The following ISYNA1 variants were observed in gnomAD, a reference collection of about 807,000 sequenced individuals.
ISYNA1 encodes the protein MI-1-P synthase.
Under a neutral mutation model 50.3 loss-of-function variants are expected in ISYNA1, and 34 were observed. The observed-to-expected ratio is 0.68, with a 90% CI of 0.51 to 0.90. ISYNA1 has a LOEUF of 0.90. ISYNA1 is among the 40% of genes least tolerant of loss of function. ISYNA1 has a pLI of 0.00. For synonymous variants in ISYNA1, 396 were observed against 349.9 expected (o/e 1.13, Z -1.47); for missense variants, 718 against 784.8 (o/e 0.91, Z 1.02).
In ISYNA1 at chr19:18,435,655, A is replaced by G. The variant is rs771257185; in HGVS notation, c.1162T>C (p.Tyr388His). 9.3e-6 allele frequency: 15 copies of G among 1,611,822 alleles called. No individual in the cohort carries two copies. The highest frequency in any genetic ancestry group is 9.3e-6 in the Non-Finnish European group (11 of 1,179,284). ...AGCGCGCGCTTGCTGTCACCCACGT[A>G]CGGCACATACTTGATGACCACCTGG... is the stretch of plus-strand genomic sequence containing the variant. ...DHCVVIKYVP[Y>H]VGDSKRALDE... The change falls in exon 9 of 11, where the codon TAC (tyrosine) becomes CAC (histidine). Residue 388 changes from tyrosine (Y) to histidine (H), a missense_variant. Around this residue, in one of 3 missense-constraint regions of ISYNA1, gnomAD observed 305 missense variants for 292.6 expected, o/e 1.04. Coordinates refer to ENST00000338128, the MANE Select transcript of ISYNA1 (RefSeq NM_016368.5).
In ISYNA1 at chr19:18,434,867, G is replaced by A; in HGVS notation, c.*46C>T. 6.5e-7 allele frequency: 1 copy of A among 1,527,014 alleles called. No individual in the cohort carries two copies. The allele number at this position is 1,527,014 out of a possible 1,614,324, so 94.6% of individuals were successfully genotyped here. A position where few individuals can be genotyped will look rare whatever the true frequency, so the allele number is the denominator to read the frequency against. On this transcript the variant is annotated 3_prime_UTR_variant, in exon 11 of 11. Transcript: ENST00000338128. ...GTGGGGGCCTTCAAGGTAGGGTCGT[G>A]GGGGGCAGCGGGGAGGAAGAGCCGA...
intron 3 of ISYNA1, 103 bp downstream of exon 3, chr19:18,437,496 A>ACCCCCCCCCGG: frequency 7.9e-6 from 2 of 253,966 alleles, no homozygotes; most frequent in Non-Finnish European, 1.0e-5. Flanking sequence ...CACCCCCTAC[A>ACCCCCCCCCGG]GCCCCCCTGG....
At position 18,436,230 on chromosome 19, in the gene ISYNA1, C is replaced by A. The variant is rs753244762; in HGVS notation, c.777G>T (p.Ser259=). 1.5e-5 allele frequency: 24 copies of A among 1,608,860 alleles called. No homozygotes were observed. In the South Asian group the frequency reaches 2.4e-4, roughly 16 times the overall value. ...TGGCCACGGCGAAGAGCGTGGAGGG[C>A]GACACCTCCAGACCGAGCTGTGGGC... ...LRTIELGLEV[S]PSTLFAVASI... is the part of the protein sequence containing the mutation. The change falls in exon 7 of 11, where the codon TCG becomes TCT. Residue 259 remains serine (S), a synonymous_variant. Transcript: ENST00000338128.
chr19:18,435,505 A>AGAT (rs1973953007), intron 9 of ISYNA1, 22 bp from the exon 10 acceptor site: 1 of 1,607,232 alleles, frequency 6.2e-7, no homozygotes, highest in South Asian at 1.1e-5. Context: ...GTGGGTCAGG[A>AGAT]GATGGGGGCG....
chr19:18,437,426 T>G, intron 3 of ISYNA1, 173 bp downstream of exon 3: 2 of 715,716 alleles, frequency 2.8e-6, no homozygotes, highest in Non-Finnish European at 3.4e-6. Context: ...CCTCGCCCAC[T>G]ACAGGCCTCC....
At position 18,436,723 on chromosome 19, in the gene ISYNA1, C is replaced by T. The variant is rs745650840; in HGVS notation, c.570G>A (p.Ala190=). 10 of 1,566,116 alleles carry T rather than the reference C, an allele frequency of 6.4e-6. No individual in the cohort carries two copies. Among genetic ancestry groups the T allele is most frequent in the East Asian group, 2.3e-5 (1 of 43,468 alleles). The change falls in exon 5 of 11, where the codon GCG becomes GCA. Residue 190 remains alanine (A), a synonymous_variant. Coordinates refer to ENST00000338128, the MANE Select transcript of ISYNA1 (RefSeq NM_016368.5). ...IPEFIAANQS[A]RADNLIPGSR... is the part of the protein sequence containing the mutation. Reference sequence around the variant, plus strand: ...AGCCTGGGATGAGGTTGTCCGCGCGCGCGCTCTGGTTGGCCGCGATGAATT... The same window carrying T: ...AGCCTGGGATGAGGTTGTCCGCGCGTGCGCTCTGGTTGGCCGCGATGAATT...
At position 18,434,395 on chromosome 19, in the gene ISYNA1, A is replaced by C; in HGVS notation, c.*518T>G. On this transcript the variant is annotated 3_prime_UTR_variant, in exon 11 of 11. Coordinates refer to ENST00000338128, the MANE Select transcript of ISYNA1 (RefSeq NM_016368.5). ...GGGAGGCCCCACACGAAAGACTCTT[A>C]CCATTTTATTAAAAACGCAAGGACC... 7.3e-7 allele frequency: 1 copy of C among 1,371,396 alleles called. No homozygotes were observed. The highest frequency in any genetic ancestry group is 1.6e-5 in the South Asian group (1 of 63,178). 85.0% of individuals were successfully genotyped at this position (1,371,396 alleles called of 1,614,324 possible).
Position 18,436,272 on chromosome 19 carries a change from A to G in ISYNA1, c.760-25T>C, listed in dbSNP as rs777377120. The G allele has an allele frequency of 3.5e-5, 57 of 1,607,944 alleles. 2 individuals are homozygous for G. In the South Asian group the frequency reaches 6.0e-4, roughly 17 times the overall value. ...GCTGTGGGCAAGGCGGGCAGTCAGC[A>G]CAGAGCTGTGTCTGTGACTGGCCCT... is the stretch of plus-strand genomic sequence containing the variant. On this transcript the variant is annotated intron_variant, in intron 6 of 10. Coordinates refer to ENST00000338128, the MANE Select transcript of ISYNA1 (RefSeq NM_016368.5).
At chr19:18,436,279 T>C (rs984105080) in intron 6 of ISYNA1, 32 bp from the exon 7 acceptor site, 5 of 1,608,172 alleles carry the variant, frequency 3.1e-6, no homozygotes, top group Non-Finnish European at 4.2e-6. Context: ...AGCACAGAGC[T>C]GTGTCTGTGA....
Position 18,434,971 on chromosome 19 carries a change from C to T in ISYNA1, c.1619G>A (p.Gly540Asp). The part of the protein sequence containing the change: ...KKGPVPAATN[G>D]CTGDANGHLQ... ...ATGCCCATTGGCATCACCGGTGCAG[C>T]CATTGGTGGCAGCGGGTACCGGTCC... The change falls in exon 11 of 11, where the codon GGC (glycine) becomes GAC (aspartate). Residue 540 changes from glycine (G) to aspartate (D), a missense_variant. Coordinates refer to ENST00000338128, the MANE Select transcript of ISYNA1 (RefSeq NM_016368.5). 1.2e-6 allele frequency: 2 copies of T among 1,613,530 alleles called. No individual in the cohort carries two copies. Among genetic ancestry groups the T allele is most frequent in the Non-Finnish European group, 1.7e-6 (2 of 1,179,996 alleles).
rs1036294716 is a variant in ISYNA1 at position 18,434,570 on chromosome 19, TCA to T, written c.*341_*342del. Reference sequence around the variant, plus strand: ...TGGTTTTGGTTTTTGGTAGCTTGTCTCAGATTCCCTCTTTGGCCTTCTGCCAC... The same window carrying T: ...TGGTTTTGGTTTTTGGTAGCTTGTCTGATTCCCTCTTTGGCCTTCTGCCAC... On this transcript the variant is annotated 3_prime_UTR_variant, in exon 11 of 11. Coordinates refer to ENST00000338128, the MANE Select transcript of ISYNA1 (RefSeq NM_016368.5). 5.8e-6 allele frequency: 3 copies of T among 520,370 alleles called. No homozygotes were observed. The highest frequency in any genetic ancestry group is 1.0e-5 in the Non-Finnish European group (3 of 297,404). 32.2% of individuals were successfully genotyped at this position (520,370 alleles called of 1,614,324 possible).
Position 18,436,702 on chromosome 19 carries a change from TGGGATGAGGTTGTCC to T in ISYNA1, c.576_590del (p.Asp193_Pro197del). On this transcript the variant is annotated inframe_deletion, in exon 5 of 11. Transcript: ENST00000338128. ...ACAGCACCTGCTGCGCACGCGAGCC[TGGGATGAGGTTGTCC>T]GCGCGCGCGCTCTGGTTGGCCGCGA... 1 of 1,566,638 alleles carries T rather than the reference TGGGATGAGGTTGTCC, an allele frequency of 6.4e-7. No homozygotes were observed. Among genetic ancestry groups the T allele is most frequent in the Non-Finnish European group, 8.6e-7 (1 of 1,159,418 alleles).
In ISYNA1 at chr19:18,434,675, G is replaced by T. The variant is rs1973870368; in HGVS notation, c.*238C>A. On this transcript the variant is annotated 3_prime_UTR_variant, in exon 11 of 11. Coordinates refer to ENST00000338128, the MANE Select transcript of ISYNA1 (RefSeq NM_016368.5). ...CTTTGAGAACTGGGGGCAGAGCGAG[G>T]CTCCAGGTTCTGGGCTCTCCCTGGG... 3.4e-6 allele frequency: 2 copies of T among 583,098 alleles called. No homozygotes were observed. Among genetic ancestry groups the T allele is most frequent in the East Asian group, 5.7e-5 (2 of 34,944 alleles). The allele number at this position is 583,098 out of a possible 1,614,324, so 36.1% of individuals were successfully genotyped here.
rs764009146 is a variant in ISYNA1, at chr19:18,437,716, C to T, written c.165G>A (p.Gln55=). 20 of 1,562,260 alleles carry T rather than the reference C, an allele frequency of 1.3e-5. No individual in the cohort carries two copies. In the East Asian group the frequency reaches 4.0e-4, roughly 31 times the overall value. Residue 55 remains glutamine (Q), a synonymous_variant, in exon 3 of 11, where the codon CAG becomes CAA. Coordinates refer to ENST00000338128, the MANE Select transcript of ISYNA1 (RefSeq NM_016368.5). The stretch of plus-strand genomic sequence containing the variant: ...CAAGCATGACCCCGAGCCGGGGCAC[C>T]TGCCGGGCGGTCCGGAAGGTGAAGC... ...STRFTFRTAR[Q]VPRLGVMLVG...
At position 18,434,568 on chromosome 19, in the gene ISYNA1, T is replaced by C. The variant is rs1215853743; in HGVS notation, c.*345A>G. 3.8e-6 allele frequency: 2 copies of C among 522,864 alleles called. No homozygotes were observed. The highest frequency in any genetic ancestry group is 6.7e-6 in the Non-Finnish European group (2 of 299,214). The allele number at this position is 522,864 out of a possible 1,614,324, so 32.4% of individuals were successfully genotyped here. A position where few individuals can be genotyped will look rare whatever the true frequency, so the allele number is the denominator to read the frequency against. ...GCTGGTTTTGGTTTTTGGTAGCTTG[T>C]CTCAGATTCCCTCTTTGGCCTTCTG... On this transcript the variant is annotated 3_prime_UTR_variant, in exon 11 of 11. Transcript: ENST00000338128.
chr19:18,436,202 T>C lies in ISYNA1; in HGVS notation c.805A>G (p.Ile269Val), dbSNP rs1974014387. The change falls in exon 7 of 11, where the codon ATC (isoleucine) becomes GTC (valine). Residue 269 changes from isoleucine (I) to valine (V), a missense_variant. Physicochemically the swap from Ile to Val is conservative, Grantham distance 29 (BLOSUM62 3). Coordinates refer to ENST00000338128, the MANE Select transcript of ISYNA1 (RefSeq NM_016368.5). ...TTGAGGAAGGCACAGCCCTCCAGGATGCTGGCCACGGCGAAGAGCGTGGAG... is the reference window on the plus strand; with the variant it reads ...TTGAGGAAGGCACAGCCCTCCAGGACGCTGGCCACGGCGAAGAGCGTGGAG... ...SPSTLFAVASILEGCAFLNGS... is the reference protein window; with the variant it reads ...SPSTLFAVASVLEGCAFLNGS... 1.9e-6 allele frequency: 3 copies of C among 1,610,954 alleles called. No homozygotes were observed. The highest frequency in any genetic ancestry group is 2.5e-6 in the Non-Finnish European group (3 of 1,179,982).
Position 18,436,817 on chromosome 19 carries a change from C to T in ISYNA1, c.476G>A (p.Trp159Ter), listed in dbSNP as rs1974072624. The change falls in exon 5 of 11, where the codon TGG becomes TAG. Residue 159 changes from tryptophan (W) to a stop codon, truncating the protein, a stop_gained. Coordinates refer to ENST00000338128, the MANE Select transcript of ISYNA1 (RefSeq NM_016368.5). LOFTEE classifies it high-confidence loss of function. ...CGGCCACAGTTGCTCCTGCAGCCCC[C>T]AGTCCAGCACCTTCGCGCGCCGCAT... ...EAMRRAKVLD[W>*]GLQEQLWPHM... The T allele has an allele frequency of 1.3e-6, 2 of 1,590,570 alleles. No individual in the cohort carries two copies. Among genetic ancestry groups the T allele is most frequent in the African/African-American group, 1.4e-5 (1 of 73,502 alleles).
intron 4 of ISYNA1, 30 bp from the exon 5 acceptor site, chr19:18,436,907 C>T (rs1437105044): frequency 1.3e-6 from 2 of 1,597,814 alleles, no homozygotes; most frequent in Admixed American, 3.5e-5. Context: ...CGGCCCTGCC[C>T]GGATCCTGGG....
At chr19:18,435,179 TG>T in intron 10 of ISYNA1, 62 bp from the exon 11 acceptor site, 1 of 1,601,376 alleles carries the variant, frequency 6.2e-7, no homozygotes, top group Non-Finnish European at 8.5e-7. Flanking sequence ...GGGGTATCCC[TG>T]CCACCTACAG....
Sources: gnomAD v4.1 joint callset for allele counts on GRCh38, gnomAD v4.1.1 for gene constraint, gnomAD v4.1.1 regional missense constraint, MANE v1.5 for transcripts, NCBI Gene and HGNC (gene_info 2026-07-23, HGNC 2026-07-21) for gene names.